Variants in DIP2C observed in about 807,000 individuals in gnomAD.
DIP2C encodes DIP2 acetate--CoA ligase C (putative).
DIP2C carries 33 observed loss-of-function variants against 192.4 expected under a neutral mutation model. The ratio of observed to expected loss-of-function variants is 0.17; its 90% confidence interval spans 0.13 to 0.23. DIP2C has a LOEUF of 0.23. Ranked by LOEUF, DIP2C falls within the 10% of genes least tolerant of loss-of-function variation. The pLI is 1.00. For missense variants in DIP2C, 1,537 were observed against 2,110.1 expected, an observed-to-expected ratio of 0.73 and a Z score of 5.32; for synonymous variants, 979 against 864.1, an observed-to-expected ratio of 1.13 and a Z score of -2.33.
chr10:412,221 C>A (rs1033203673), intron 8 of DIP2C, among the ~76,000 whole-genome samples: 3 of 152,200 alleles, frequency 2.0e-5, no homozygotes, highest in African/African-American at 7.2e-5. Flanking sequence ...CTTTGATTTC[C>A]CAAAGCTTAG....
intron 2 of DIP2C, among the ~76,000 whole-genome samples, chr10:476,971 A>T (rs78669616): frequency 0.025 from 3,826 of 151,290 alleles, 112 homozygotes; most frequent in African/African-American, 0.074. Context: ...TCGGGAAATA[A>T]TTCTGAACCC....
chr10:616,233 G>T (rs766068858), intron 1 of DIP2C, among the ~76,000 whole-genome samples: 3 of 152,102 alleles, frequency 2.0e-5, no homozygotes, highest in Non-Finnish European at 4.4e-5. Flanking sequence ...AATCTGGACC[G>T]CAATCCGATA....
intron 1 of DIP2C, chr10:665,847 C>G (rs768387865): frequency 1.3e-5 from 2 of 152,060 alleles, no homozygotes; most frequent in African/African-American, 4.8e-5. Context: ...CTTACAGGAA[C>G]ACTCCATAAA....
chr10:436,782 GCTCT>G (rs201660481), intron 4 of DIP2C, among the ~76,000 whole-genome samples: 44 of 112,746 alleles, frequency 3.9e-4, no homozygotes, highest in East Asian at 7.4e-4. Context: ...CCACACCTGA[GCTCT>G]CTCTGAGCTC....
intron 1 of DIP2C, among the ~76,000 whole-genome samples, chr10:675,271 C>G (rs1588748545): frequency 6.6e-6 from 1 of 151,626 alleles, no homozygotes; most frequent in South Asian, 2.1e-4. Context: ...ATATCACAGC[C>G]TACGGTATAG....
intron 1 of DIP2C, among the ~76,000 whole-genome samples, chr10:565,993 G>A (rs1056038545): frequency 6.6e-6 from 1 of 152,162 alleles, no homozygotes; most frequent in African/African-American, 2.4e-5. Flanking sequence ...TCCTGCAAAG[G>A]CCGGCATTCA....
chr10:474,760 T>G (rs1970929076), intron 2 of DIP2C, among the ~76,000 whole-genome samples: 1 of 152,212 alleles, frequency 6.6e-6, no homozygotes. Context: ...GACTTCTGGG[T>G]GAAAATTACT....
intron 1 of DIP2C, among the ~76,000 whole-genome samples, chr10:559,949 TGCTCCGGTTCTCACCTCTCCCCCCC>T (rs1364208794): frequency 1.3e-5 from 2 of 151,914 alleles, no homozygotes; most frequent in African/African-American, 4.8e-5. Flanking sequence ...ATGAACTCAT[TGCTCCGGTTCTCACCTCTCCCCCCC>T]ACTCCTGTTC....
At chr10:658,502 C>T (rs977190725) in intron 1 of DIP2C, among the ~76,000 whole-genome samples, 9 of 152,202 alleles carry the variant, frequency 5.9e-5, no homozygotes, top group South Asian at 2.1e-4. Context: ...TGGATGAAGC[C>T]GACAGAATGA....
intron 1 of DIP2C, among the ~76,000 whole-genome samples, chr10:596,652 G>A (rs976446958): frequency 5.7e-4 from 87 of 152,192 alleles, no homozygotes; most frequent in Middle Eastern, 6.8e-3. Flanking sequence ...CCTGACAGAA[G>A]GCTGCACCCC....
At chr10:445,306 C>T (rs1968079772) in intron 3 of DIP2C, among the ~76,000 whole-genome samples, 1 of 151,904 alleles carries the variant, frequency 6.6e-6, no homozygotes, top group African/African-American at 2.4e-5. Context: ...CACTGGACAT[C>T]TGTATACATC....
rs553330818 is a variant in DIP2C at position 561,041 on chromosome 10, A to G, written c.86-74511T>C. Reference sequence around the variant, plus strand: ...CTATGACCTGGACACCCCTGCTTCCAGTTGTCCCCGCGTTTCCAGATCAAA... The same window carrying G: ...CTATGACCTGGACACCCCTGCTTCCGGTTGTCCCCGCGTTTCCAGATCAAA... On this transcript the variant is annotated intron_variant, in intron 1 of 36. Transcript: ENST00000280886. Among the ~76,000 whole-genome samples the G allele has an allele frequency of 2.0e-5, 3 of 152,330 alleles. No individual in the cohort carries two copies. In the East Asian group the frequency reaches 5.8e-4, roughly 29 times the overall value.
intron 2 of DIP2C, among the ~76,000 whole-genome samples, chr10:481,026 C>T (rs573637694): frequency 6.6e-6 from 1 of 152,302 alleles, no homozygotes; most frequent in African/African-American, 2.4e-5. Flanking sequence ...GACAGGTCCC[C>T]GGGACCCTCC....
intron 1 of DIP2C, chr10:650,735 T>A (rs1206614037): frequency 4.7e-6 from 3 of 639,784 alleles, no homozygotes; most frequent in Non-Finnish European, 8.7e-6. Context: ...CGACCCCCCC[T>A]CATGCTCACT....
intron 2 of DIP2C, among the ~76,000 whole-genome samples, chr10:480,998 T>C (rs543121216): frequency 6.6e-6 from 1 of 152,296 alleles, no homozygotes; most frequent in East Asian, 1.9e-4. Context: ...AGACCCTAAG[T>C]GGAGGCAACC....
chr10:585,854 C>T (rs1371980367), intron 1 of DIP2C, among the ~76,000 whole-genome samples: 1 of 152,188 alleles, frequency 6.6e-6, no homozygotes, highest in African/African-American at 2.4e-5. Context: ...CCATTCAAGA[C>T]TGAATTTTAT....
intron 1 of DIP2C, among the ~76,000 whole-genome samples, chr10:617,655 A>ACC (rs3049602): frequency 0.2 from 26,375 of 131,774 alleles, 2,785 homozygotes; most frequent in African/African-American, 0.38. Context: ...TGTGGATACC[A>ACC]CCCCCCCACC....
intron 1 of DIP2C, among the ~76,000 whole-genome samples, chr10:523,841 G>A (rs148572333): frequency 2.2e-4 from 34 of 152,268 alleles, no homozygotes; most frequent in South Asian, 1.0e-3. Context: ...CACACTTGTC[G>A]CTTTTACACA....
At chr10:438,214 A>G (rs1366397647) in intron 4 of DIP2C, among the ~76,000 whole-genome samples, 2 of 152,246 alleles carry the variant, frequency 1.3e-5, no homozygotes, top group Non-Finnish European at 2.9e-5. Flanking sequence ...ATGACCCAGT[A>G]ACATCTCTCA....
Sources: allele counts gnomAD v4.1 joint callset (sites outside exome capture counted in the v4.1 genomes callset), GRCh38; gene constraint gnomAD v4.1.1; transcripts MANE v1.5; gene names NCBI Gene and HGNC (gene_info 2026-07-23, HGNC 2026-07-21).